SCAPER: variants seen among roughly 807,000 people sequenced by gnomAD.
SCAPER encodes S-phase cyclin A associated protein in the ER, also known as S phase cyclin A-associated protein in the endoplasmic reticulum.
A neutral mutation model predicts 182.2 loss-of-function variants in SCAPER; 98 were observed. That is an observed-to-expected ratio of 0.54 (90% CI 0.46 to 0.64). The LOEUF (loss-of-function observed/expected upper bound fraction) is 0.64. Among genes scored for constraint, SCAPER ranks in the 30% least tolerant of loss-of-function variants. The pLI, the probability that SCAPER is intolerant of heterozygous loss-of-function variation, is 0.00. For synonymous variants in SCAPER, 605 were observed against 564.6 expected, an observed-to-expected ratio of 1.07 and a Z score of -1.01; for missense variants, 1,432 against 1,690.0, an observed-to-expected ratio of 0.85 and a Z score of 2.68.
At chr15:76,730,583 G>A (rs965255004) in intron 16 of SCAPER, among the ~76,000 whole-genome samples, 9 of 151,000 alleles carry the variant, frequency 6.0e-5, no homozygotes, top group African/African-American at 2.2e-4. Context: ...AAAAAAAAGT[G>A]AATAAAAAAA....
intron 5 of SCAPER, among the ~76,000 whole-genome samples, chr15:76,838,703 T>A (rs1380096384): frequency 6.6e-6 from 1 of 152,128 alleles, no homozygotes; most frequent in Non-Finnish European, 1.5e-5. Context: ...TCCCTCCAGA[T>A]TGAAATGGGA....
At chr15:76,669,690 T>C (rs986907299) in intron 20 of SCAPER, among the ~76,000 whole-genome samples, 2 of 152,340 alleles carry the variant, frequency 1.3e-5, no homozygotes, top group East Asian at 1.9e-4. Flanking sequence ...TTTGGTATAA[T>C]GCCCATGGTC....
At chr15:76,872,119 C>A (rs535033594) in intron 2 of SCAPER, among the ~76,000 whole-genome samples, 4 of 151,012 alleles carry the variant, frequency 2.6e-5, no homozygotes, top group African/African-American at 4.9e-5. Flanking sequence ...GAAAGGTCAG[C>A]GAACTGGAAA....
intron 5 of SCAPER, among the ~76,000 whole-genome samples, chr15:76,832,990 C>T (rs1211928729): frequency 6.6e-6 from 1 of 152,062 alleles, no homozygotes; most frequent in East Asian, 1.9e-4. Context: ...TGAAAATTTC[C>T]CCAACCTCAC....
At chr15:76,849,551 T>C (rs1194191226) in intron 4 of SCAPER, among the ~76,000 whole-genome samples, 1 of 152,028 alleles carries the variant, frequency 6.6e-6, no homozygotes, top group African/African-American at 2.4e-5. Flanking sequence ...AGAGCTGCAG[T>C]GGGCAGCCTG....
chr15:76,465,695 T>C (rs1418945998), intron 25 of SCAPER, among the ~76,000 whole-genome samples: 6 of 152,166 alleles, frequency 3.9e-5, no homozygotes, highest in East Asian at 3.9e-4. Context: ...GGAGTTTTTT[T>C]AGTTCAAGTC....
intron 29 of SCAPER, among the ~76,000 whole-genome samples, chr15:76,358,063 T>A (rs139595448): frequency 1.1e-3 from 161 of 152,334 alleles, no homozygotes; most frequent in Non-Finnish European, 2.1e-3. Flanking sequence ...GTAACAGAAA[T>A]ACACTTGTAC....
intron 20 of SCAPER, among the ~76,000 whole-genome samples, chr15:76,700,890 G>A (rs146805620): frequency 2.6e-5 from 4 of 152,026 alleles, no homozygotes; most frequent in African/African-American, 9.7e-5. Context: ...TGAAATTTAA[G>A]AACAGGCAAC....
At chr15:76,700,393 G>C (rs1485525695) in intron 20 of SCAPER, among the ~76,000 whole-genome samples, 1 of 152,174 alleles carries the variant, frequency 6.6e-6, no homozygotes, top group Non-Finnish European at 1.5e-5. Flanking sequence ...GGGGGTCATG[G>C]GGTCTCCTGC....
At chr15:76,533,483 G>C (rs1374570202) in intron 23 of SCAPER, among the ~76,000 whole-genome samples, 1 of 152,080 alleles carries the variant, frequency 6.6e-6, no homozygotes, top group East Asian at 1.9e-4. Context: ...AGGAGCAATA[G>C]AGTATACCAT....
intron 25 of SCAPER, among the ~76,000 whole-genome samples, chr15:76,470,615 C>T (rs894271166): frequency 3.9e-5 from 6 of 152,142 alleles, no homozygotes; most frequent in South Asian, 2.1e-4. Flanking sequence ...AAACTCCTGG[C>T]GACTGCAGTT....
intron 2 of SCAPER, among the ~76,000 whole-genome samples, chr15:76,864,267 A>G (rs947321437): frequency 6.6e-6 from 1 of 152,204 alleles, no homozygotes; most frequent in Non-Finnish European, 1.5e-5. Flanking sequence ...TTTCTCCAAC[A>G]TAAGATCCCC....
chr15:76,568,890 TATATAA>T lies in SCAPER; in HGVS notation c.2838+5262_2838+5267del, dbSNP rs577206163. On this transcript the variant is annotated intron_variant, in intron 23 of 31. Coordinates refer to ENST00000563290, the MANE Select transcript of SCAPER (RefSeq NM_020843.4). ...TCCTAGATATTTAATATTTTGATAA[TATATAA>T]ATATAATTGATTTTTATATACTGCC... is the stretch of plus-strand genomic sequence containing the variant. Among the ~76,000 whole-genome samples, 356 of 152,094 alleles carry T rather than the reference TATATAA, an allele frequency of 2.3e-3. 3 individuals are homozygous for T. The highest frequency in any genetic ancestry group is 8.0e-3 in the African/African-American group (334 of 41,550).
At chr15:76,748,193 T>C (rs2061904445) in intron 15 of SCAPER, among the ~76,000 whole-genome samples, 1 of 152,078 alleles carries the variant, frequency 6.6e-6, no homozygotes, top group African/African-American at 2.4e-5. Flanking sequence ...TTTCTCCATG[T>C]TGGTGAGGCT....
At chr15:76,421,655 G>A (rs2046052552) in intron 26 of SCAPER, among the ~76,000 whole-genome samples, 3 of 152,156 alleles carry the variant, frequency 2.0e-5, no homozygotes, top group African/African-American at 7.2e-5. Context: ...TTTGGCTTTT[G>A]TTGCCATTGC....
At chr15:76,732,518 G>T (rs1251164585) in intron 16 of SCAPER, among the ~76,000 whole-genome samples, 1 of 136,134 alleles carries the variant, frequency 7.3e-6, no homozygotes, top group Non-Finnish European at 1.6e-5. Context: ...CCAGAGGGCT[G>T]CTTGGTCTAG....
rs561250560 is a variant in SCAPER, at chr15:76,718,297, G to C, written c.2165+10298C>G. On this transcript the variant is annotated intron_variant, in intron 17 of 31. Transcript: ENST00000563290. Reference sequence around the variant, plus strand: ...AGCAGTTGTAAGAGGGAAGTTTATAGTTTCTGCATAGCAAAGAAAAAAATC... The same window carrying C: ...AGCAGTTGTAAGAGGGAAGTTTATACTTTCTGCATAGCAAAGAAAAAAATC... Among the ~76,000 whole-genome samples the C allele has an allele frequency of 7.2e-5, 11 of 152,236 alleles. No individual in the cohort carries two copies. In the East Asian group the frequency reaches 2.1e-3, roughly 29 times the overall value.
chr15:76,791,674 T>C (rs1244387295), intron 8 of SCAPER, among the ~76,000 whole-genome samples: 1 of 151,776 alleles, frequency 6.6e-6, no homozygotes, highest in Non-Finnish European at 1.5e-5. Context: ...ACTTTGCATA[T>C]ACAGGGCAAG....
At chr15:76,753,659 C>T in intron 15 of SCAPER, 149 bp downstream of exon 15, 1 of 800,076 alleles carries the variant, frequency 1.2e-6, no homozygotes, top group Non-Finnish European at 1.9e-6. Context: ...TAAAATATTG[C>T]ACCTGGTAAG....
Sources: allele counts gnomAD v4.1 joint callset (sites outside exome capture counted in the v4.1 genomes callset), GRCh38; gene constraint gnomAD v4.1.1; transcripts MANE v1.5; gene names NCBI Gene and HGNC (gene_info 2026-07-23, HGNC 2026-07-21).